Variants in POU2F2 observed in about 807,000 individuals in gnomAD.
POU2F2 encodes the protein POU domain, class 2, transcription factor 2.
In POU2F2, 14 loss-of-function variants were observed where a neutral mutation model predicts 63.5. The ratio of observed to expected loss-of-function variants is 0.22; its 90% CI spans 0.15 to 0.34. POU2F2 has a LOEUF of 0.34. Ranked by LOEUF, POU2F2 falls within the 10% of genes least tolerant of loss-of-function variation. The probability of loss-of-function intolerance (pLI) is 1.00; values close to 1 mark genes in which losing one functional copy is unlikely to be tolerated. For missense variants in POU2F2, 607 were observed against 815.2 expected (o/e 0.74, Z 3.11); for synonymous variants, 306 against 348.6 (o/e 0.88, Z 1.36).
chr19:42,194,789 C>A (rs1182995522), intron 1 of POU2F2, among the ~76,000 whole-genome samples: 1,123 of 54,622 alleles, frequency 0.021, no homozygotes, highest in African/African-American at 0.023. Context: ...AAAAAAAAGA[C>A]AGGAAGGGGA....
intron 1 of POU2F2, among the ~76,000 whole-genome samples, chr19:42,166,399 G>A (rs1055435850): frequency 1.3e-5 from 2 of 152,106 alleles, no homozygotes; most frequent in Non-Finnish European, 2.9e-5. Context: ...CACCTGGCAG[G>A]TACTCAATAA....
intron 1 of POU2F2, among the ~76,000 whole-genome samples, chr19:42,183,253 T>G (rs941942363): frequency 1.3e-5 from 2 of 152,036 alleles, no homozygotes; most frequent in Admixed American, 1.3e-4. Context: ...AAGTTGTTGG[T>G]GGGGGAGGGA....
intron 1 of POU2F2, among the ~76,000 whole-genome samples, chr19:42,124,592 C>G (rs2033015525): frequency 6.6e-6 from 1 of 152,204 alleles, no homozygotes; most frequent in African/African-American, 2.4e-5. Flanking sequence ...AAACACGTGT[C>G]CTGCCCATCA....
intron 1 of POU2F2, among the ~76,000 whole-genome samples, chr19:42,163,709 CAT>C (rs1002959447): frequency 1.3e-5 from 2 of 152,184 alleles, no homozygotes; most frequent in African/African-American, 2.4e-5. Context: ...GCTTTTCACA[CAT>C]GTGAGAGGCT....
intron 1 of POU2F2, among the ~76,000 whole-genome samples, chr19:42,127,378 GTTTTC>G (rs1022685557): frequency 1.3e-5 from 2 of 151,318 alleles, no homozygotes; most frequent in African/African-American, 2.4e-5. Context: ...CATAAGCTCT[GTTTTC>G]TTTTCTTTTT....
intron 2 of POU2F2, among the ~76,000 whole-genome samples, chr19:42,142,552 GT>G (rs1363694857): frequency 6.7e-6 from 1 of 150,242 alleles, no homozygotes; most frequent in Non-Finnish European, 1.5e-5. Context: ...GGTTTGGGGG[GT>G]TTTTTATTTG....
upstream of POU2F2, among the ~76,000 whole-genome samples, chr19:42,196,794 A>T (rs935332178): frequency 1.3e-5 from 2 of 152,250 alleles, no homozygotes; most frequent in Non-Finnish European, 2.9e-5. Context: ...CCTCTGCCTC[A>T]TGGTTCCCGC....
rs1254431838 is a variant in POU2F2 at position 42,191,999 on chromosome 19, AT to A, written c.-70+4383del. ...TGTCAGGCGTAAACACATGTAAAGC[AT>A]TTGGCAAAGTGCCTGGCATGTGGTA... is the stretch of plus-strand genomic sequence containing the variant. On this transcript the variant is annotated intron_variant, in intron 1 of 5. Transcript: ENST00000532176. Among the ~76,000 whole-genome samples, 7 of 152,308 alleles carry A rather than the reference AT, an allele frequency of 4.6e-5. No homozygotes were observed. The South Asian group carries it at 1.4e-3, about 32-fold the overall frequency.
intron 1 of POU2F2, among the ~76,000 whole-genome samples, chr19:42,126,524 G>T (rs2033216245): frequency 6.6e-6 from 1 of 152,034 alleles, no homozygotes; most frequent in Non-Finnish European, 1.5e-5. Context: ...CCCAGGAGAA[G>T]ACCAGTGGAC....
upstream of POU2F2, among the ~76,000 whole-genome samples, chr19:42,196,863 G>C (rs2035154386): frequency 6.6e-6 from 1 of 152,228 alleles, no homozygotes; most frequent in South Asian, 2.1e-4. Flanking sequence ...CCTGACTTCT[G>C]GCAAGCACGT....
Position 42,091,572 on chromosome 19 carries a change from G to A in POU2F2, c.1560C>T (p.Thr520=), listed in dbSNP as rs909869214. 4.5e-6 allele frequency: 7 copies of A among 1,553,618 alleles called. No homozygotes were observed. The highest frequency in any genetic ancestry group is 6.1e-6 in the Non-Finnish European group (7 of 1,147,814). The change falls in exon 15 of 15, where the codon ACC becomes ACT. Residue 520 remains threonine (T), a synonymous_variant. Coordinates refer to ENST00000692977, the MANE Select transcript of POU2F2 (RefSeq NM_001394376.1). ...ATIQALASGG[T]LPLTSLDGSG... ...TGCCATCAAGGCTGGTAAGGGGCAG[G>A]GTTCCACCAGAGGCCAGGGCTGGCG...
chr19:42,166,321 T>C (rs576261675), intron 1 of POU2F2, among the ~76,000 whole-genome samples: 3 of 152,254 alleles, frequency 2.0e-5, no homozygotes, highest in African/African-American at 7.2e-5. Context: ...GCTCAGAGTT[T>C]TTTTTTTTCC....
chr19:42,110,617 C>A, intron 5 of POU2F2: 1 of 410,256 alleles, frequency 2.4e-6, no homozygotes. Context: ...TGTACAGGAT[C>A]ACGATGCAAG....
chr19:42,106,044 TTTC>T (rs1484475714), intron 5 of POU2F2, among the ~76,000 whole-genome samples: 1 of 147,390 alleles, frequency 6.8e-6, no homozygotes, highest in Admixed American at 6.8e-5. Flanking sequence ...TCTTTCTTTC[TTTC>T]TTTCTTCTTT....
intron 1 of POU2F2, among the ~76,000 whole-genome samples, chr19:42,127,345 C>T (rs192645182): frequency 9.2e-5 from 14 of 151,932 alleles, no homozygotes; most frequent in Admixed American, 6.6e-4. Flanking sequence ...TGGCGACCCC[C>T]GGACTCATCC....
chr19:42,116,901 G>A (rs372440797), intron 5 of POU2F2: 36 of 501,668 alleles, frequency 7.2e-5, no homozygotes, highest in African/African-American at 5.5e-4. Context: ...CGGCAGCGGC[G>A]TTAGCGGCAG....
upstream of POU2F2, chr19:42,132,971 G>A (rs1469389941): frequency 6.6e-6 from 1 of 152,506 alleles, no homozygotes; most frequent in Non-Finnish European, 1.5e-5. Flanking sequence ...AAGAAGCGTT[G>A]AAGCTTAAAA....
intron 1 of POU2F2, among the ~76,000 whole-genome samples, chr19:42,132,099 G>T (rs995288769): frequency 6.6e-5 from 10 of 152,146 alleles, no homozygotes; most frequent in Non-Finnish European, 1.3e-4. Context: ...CCACATGAGG[G>T]CCCGCTACCA....
At chr19:42,093,627 C>T (rs563443434) in intron 12 of POU2F2, 5 of 428,706 alleles carry the variant, frequency 1.2e-5, no homozygotes, top group South Asian at 1.6e-4. Context: ...CATATGAAAT[C>T]GTGAAGCAGA....
Sources: gnomAD v4.1 joint callset for allele counts (sites outside exome capture counted in the v4.1 genomes callset) on GRCh38, gnomAD v4.1.1 for gene constraint, MANE v1.5 for transcripts, NCBI Gene and HGNC (gene_info 2026-07-23, HGNC 2026-07-21) for gene names.